The following ANKRD45 variants were observed in gnomAD, a reference collection of about 807,000 sequenced individuals.
ANKRD45 encodes ankyrin repeat domain-containing protein 45.
Under a neutral mutation model 28.1 loss-of-function variants are expected in ANKRD45, and 21 were observed. That is an observed-to-expected ratio of 0.75 (90% confidence interval 0.53 to 1.08). The LOEUF (loss-of-function observed/expected upper bound fraction) is 1.08, where lower values mean the gene tolerates loss of function less well. ANKRD45 is among the 50% of genes least tolerant of loss of function. The pLI, the probability that ANKRD45 is intolerant of heterozygous loss-of-function variation, is 0.00. For missense variants in ANKRD45, 261 were observed against 308.7 expected (o/e 0.85, Z 1.16); for synonymous variants, 86 against 103.9 (o/e 0.83, Z 1.05).
chr1:173,625,419 CAGA>C (rs1667890539), intron 4 of ANKRD45, among the ~76,000 whole-genome samples: 1 of 152,248 alleles, frequency 6.6e-6, no homozygotes, highest in Non-Finnish European at 1.5e-5. Flanking sequence ...AAATGGTTCA[CAGA>C]AGGAGGAAGT....
At chr1:173,663,883 G>A (rs989499476) in intron 1 of ANKRD45, among the ~76,000 whole-genome samples, 2 of 152,062 alleles carry the variant, frequency 1.3e-5, no homozygotes, top group African/African-American at 4.8e-5. Context: ...TTATTGTTCA[G>A]TAACAATGGA....
Position 173,629,900 on chromosome 1 carries a change from A to T in ANKRD45, c.497-2741T>A, listed in dbSNP as rs1571712842. Among the ~76,000 whole-genome samples the T allele has an allele frequency of 4.6e-5, 7 of 152,326 alleles. 1 individual carries two copies. Among genetic ancestry groups the T allele is most frequent in the Admixed American group, 4.6e-4 (7 of 15,302 alleles). ...AAACTCCCAAAAATCAGGGATAAAG[A>T]TCCTAAAAGCAGCAAGAGAAAAGAA... On this transcript the variant is annotated intron_variant, in intron 3 of 5. Transcript: ENST00000333279.
chr1:173,687,768 G>A, the ANKRD45 span, among the ~76,000 whole-genome samples: 2 of 152,020 alleles, frequency 1.3e-5, no homozygotes, highest in East Asian at 1.9e-4. Context: ...CAATTATTAG[G>A]TAATTTTCCT....
At chr1:173,667,499 C>G (rs528133001) in intron 1 of ANKRD45, among the ~76,000 whole-genome samples, 95 of 152,070 alleles carry the variant, frequency 6.2e-4, no homozygotes, top group African/African-American at 2.1e-3. Flanking sequence ...GTCAGGAGTT[C>G]AAGACCAGCC....
At chr1:173,703,838 G>A in the ANKRD45 span, among the ~76,000 whole-genome samples, 1 of 152,240 alleles carries the variant, frequency 6.6e-6, no homozygotes, top group African/African-American at 2.4e-5. Flanking sequence ...ACAGGTGTGA[G>A]AGAAGGGAAA....
chr1:173,618,919 A>G (rs1443009166), intron 5 of ANKRD45, among the ~76,000 whole-genome samples: 4 of 152,256 alleles, frequency 2.6e-5, no homozygotes, highest in Non-Finnish European at 4.4e-5. Context: ...CGGGTAACCC[A>G]TCAGACTAAC....
chr1:173,683,716 G>A, the ANKRD45 span, among the ~76,000 whole-genome samples: 1 of 152,198 alleles, frequency 6.6e-6, no homozygotes, highest in Non-Finnish European at 1.5e-5. Flanking sequence ...TGAAAAGGTT[G>A]AGGATGCACC....
intron 1 of ANKRD45, among the ~76,000 whole-genome samples, chr1:173,668,698 T>A (rs1204349545): frequency 6.6e-6 from 1 of 152,262 alleles, no homozygotes; most frequent in Non-Finnish European, 1.5e-5. Flanking sequence ...ACATTTAGAT[T>A]CTTTCCTAAT....
intron 2 of ANKRD45, chr1:173,658,440 T>C (rs1405287453): frequency 2.0e-5 from 3 of 152,312 alleles, no homozygotes; most frequent in African/African-American, 7.2e-5. Flanking sequence ...TCAAAGACTA[T>C]ATGCTATAGA....
chr1:173,620,473 G>A (rs540079552), intron 5 of ANKRD45, among the ~76,000 whole-genome samples: 10 of 152,176 alleles, frequency 6.6e-5, no homozygotes, highest in South Asian at 2.1e-4. Flanking sequence ...GGAGATTCAC[G>A]GCACTAAATG....
chr1:173,613,309 G>C (rs1390555886), intron 5 of ANKRD45, among the ~76,000 whole-genome samples: 2 of 149,966 alleles, frequency 1.3e-5, no homozygotes, highest in Non-Finnish European at 3.0e-5. Context: ...GAGCCCCTCC[G>C]ACCAGCAGCC....
Position 173,613,236 on chromosome 1 carries a change from G to A in ANKRD45, c.731-3021C>T, listed in dbSNP as rs1310162737. ...TGGGATGTGAGGAGCACCTCTGCCC[G>A]GCCGCGACCCCGTCTGGGAGGTGAG... On this transcript the variant is annotated intron_variant, in intron 5 of 5. Coordinates refer to ENST00000333279, the MANE Select transcript of ANKRD45 (RefSeq NM_198493.3). Among the ~76,000 whole-genome samples the A allele has an allele frequency of 2.8e-4, 42 of 151,404 alleles. 1 individual carries two copies. Among genetic ancestry groups the A allele is most frequent in the Non-Finnish European group, 5.3e-4 (36 of 67,730 alleles).
intron 2 of ANKRD45, among the ~76,000 whole-genome samples, chr1:173,653,408 T>C (rs1669336307): frequency 6.6e-6 from 1 of 152,226 alleles, no homozygotes; most frequent in Admixed American, 6.5e-5. Context: ...TTGTGTGGTT[T>C]TGAGTGACTT....
At chr1:173,671,237 T>G (rs557808235), upstream of ANKRD45, among the ~76,000 whole-genome samples, 187 of 152,138 alleles carry the variant, frequency 1.2e-3, no homozygotes, top group African/African-American at 4.3e-3. Context: ...TTCCCAGATG[T>G]CTGTAGCATG....
the ANKRD45 span, among the ~76,000 whole-genome samples, chr1:173,694,045 G>A: frequency 1.3e-5 from 2 of 152,218 alleles, no homozygotes; most frequent in Non-Finnish European, 2.9e-5. Context: ...GAGCGGGAAA[G>A]GAGGAGTATC....
chr1:173,628,302 CAG>C (rs1408225673), intron 3 of ANKRD45, among the ~76,000 whole-genome samples: 3 of 151,996 alleles, frequency 2.0e-5, no homozygotes, highest in Admixed American at 2.0e-4. Flanking sequence ...AGCTCAGCCA[CAG>C]TGGTGTAGCA....
chr1:173,692,126 G>A, the ANKRD45 span, among the ~76,000 whole-genome samples: 46 of 152,252 alleles, frequency 3.0e-4, no homozygotes, highest in South Asian at 1.9e-3. Context: ...GAAAAAAGTT[G>A]CTTTACAAGG....
At chr1:173,654,291 G>C (rs577463229) in intron 2 of ANKRD45, among the ~76,000 whole-genome samples, 9 of 152,086 alleles carry the variant, frequency 5.9e-5, no homozygotes, top group Admixed American at 4.6e-4. Flanking sequence ...AGGCAGGCCT[G>C]GTGGTGACAA....
chr1:173,666,614 T>C (rs1300602003), intron 1 of ANKRD45, among the ~76,000 whole-genome samples: 3 of 152,208 alleles, frequency 2.0e-5, no homozygotes, highest in Non-Finnish European at 4.4e-5. Flanking sequence ...AAAAAGTCTG[T>C]ATACGTTTAG....
Sources: allele counts gnomAD v4.1 joint callset (sites outside exome capture counted in the v4.1 genomes callset), GRCh38; gene constraint gnomAD v4.1.1; transcripts MANE v1.5; gene names NCBI Gene and HGNC (gene_info 2026-07-23, HGNC 2026-07-21).